MTHFSD: variants seen among roughly 807,000 people sequenced by gnomAD.
MTHFSD encodes the protein methenyltetrahydrofolate synthetase domain containing.
A neutral mutation model predicts 31.1 loss-of-function variants in MTHFSD; 37 were observed. That is an observed-to-expected ratio of 1.19 (90% CI 0.91 to 1.56). MTHFSD has a LOEUF of 1.56. MTHFSD is among the 40% of genes most tolerant of loss of function. The pLI, the probability that MTHFSD is intolerant of heterozygous loss-of-function variation, is 0.00. For missense variants in MTHFSD, 664 were observed against 510.1 expected (o/e 1.30, Z -2.91); for synonymous variants, 221 against 206.9 (o/e 1.07, Z -0.59).
At chr16:86,536,013 C>T (rs1216559463) in intron 7 of MTHFSD, among the ~76,000 whole-genome samples, 2 of 152,202 alleles carry the variant, frequency 1.3e-5, no homozygotes, top group Non-Finnish European at 2.9e-5. Context: ...CACCACCACA[C>T]CCAGCTAAGT....
intron 7 of MTHFSD, 29 bp from the exon 8 acceptor site, chr16:86,532,510 C>A: frequency 7.2e-7 from 1 of 1,388,344 alleles, no homozygotes; most frequent in South Asian, 1.6e-5. Context: ...GCAGCTCTTT[C>A]AGGGACAGAA....
intron 3 of MTHFSD, among the ~76,000 whole-genome samples, chr16:86,550,685 C>A (rs548007690): frequency 6.6e-6 from 1 of 152,388 alleles, no homozygotes; most frequent in East Asian, 1.9e-4. Context: ...AATGCAGTGA[C>A]TGCCGACTGC....
intron 7 of MTHFSD, among the ~76,000 whole-genome samples, chr16:86,537,228 C>T (rs999037874): frequency 1.3e-5 from 2 of 152,204 alleles, no homozygotes; most frequent in South Asian, 2.1e-4. Context: ...GAGACAACTA[C>T]TGTTAATATT....
At chr16:86,552,768 C>T (rs1973351862) in intron 2 of MTHFSD, among the ~76,000 whole-genome samples, 1 of 152,124 alleles carries the variant, frequency 6.6e-6, no homozygotes, top group South Asian at 2.1e-4. Context: ...TTCAAAGGGA[C>T]AGGACAGTCT....
intron 7 of MTHFSD, chr16:86,535,608 T>C (rs1004743514): frequency 3.6e-6 from 2 of 556,730 alleles, no homozygotes; most frequent in Non-Finnish European, 4.5e-6. Flanking sequence ...AAAAAAAAAA[T>C]AGAATAAACT....
In MTHFSD at chr16:86,541,840, G is replaced by C; in HGVS notation, c.556-18C>G. 1 of 1,613,272 alleles carries C rather than the reference G, an allele frequency of 6.2e-7. No individual in the cohort carries two copies. Among genetic ancestry groups the C allele is most frequent in the Non-Finnish European group, 8.5e-7 (1 of 1,179,354 alleles). ...TCCACGACCTGGGGGAAGAGAGGAG[G>C]GATAAAGGGGCTGCTGGGAATGCCA... On this transcript the variant is annotated intron_variant, in intron 6 of 7. Coordinates refer to ENST00000360900, the MANE Select transcript of MTHFSD (RefSeq NM_001159377.2).
At chr16:86,553,507 C>T (rs1442392002) in intron 2 of MTHFSD, 1 of 152,500 alleles carries the variant, frequency 6.6e-6, no homozygotes, top group African/African-American at 2.4e-5. Context: ...TGGGGAGCCC[C>T]GCACTCACAG....
intron 4 of MTHFSD, chr16:86,548,140 G>T: frequency 7.7e-7 from 1 of 1,302,048 alleles, no homozygotes; most frequent in Non-Finnish European, 1.0e-6. Context: ...ATAAGAAAAA[G>T]CTCCACAATA....
intron 4 of MTHFSD, chr16:86,547,031 T>C: frequency 2.1e-6 from 1 of 486,636 alleles, no homozygotes; most frequent in Non-Finnish European, 2.8e-6. Context: ...TGGAGCTCTC[T>C]GAGCCTCAGT....
chr16:86,552,170 T>G, intron 2 of MTHFSD, 24 bp from the exon 3 acceptor site: 3 of 1,614,164 alleles, frequency 1.9e-6, no homozygotes, highest in Non-Finnish European at 2.5e-6. Context: ...TAGACAGAGT[T>G]GCACTTACTT....
At chr16:86,541,955 G>A (rs752836682) in intron 6 of MTHFSD, 133 bp from the exon 7 acceptor site, 89 of 1,369,432 alleles carry the variant, frequency 6.5e-5, no homozygotes, top group East Asian at 1.4e-4. Context: ...AGGCTTAGCC[G>A]CTGTACCACT....
intron 7 of MTHFSD, among the ~76,000 whole-genome samples, chr16:86,536,954 G>A (rs2143443987): frequency 6.6e-6 from 1 of 152,338 alleles, no homozygotes; most frequent in South Asian, 2.1e-4. Context: ...ACACACGTCT[G>A]TGCGTGAGTT....
chr16:86,541,125 T>C lies in MTHFSD; in HGVS notation c.681+572A>G. ...TGGCTGTTTGCCAGCAGAGACAGCATCATAACCTACAGGCTGATTTGCAGG... is the reference window on the plus strand; with the variant it reads ...TGGCTGTTTGCCAGCAGAGACAGCACCATAACCTACAGGCTGATTTGCAGG... On this transcript the variant is annotated intron_variant, in intron 7 of 7. Coordinates refer to ENST00000360900, the MANE Select transcript of MTHFSD (RefSeq NM_001159377.2). 3.9e-6 allele frequency: 5 copies of C among 1,284,482 alleles called. No homozygotes were observed. In the South Asian group the frequency reaches 6.2e-5, roughly 16 times the overall value. The allele number at this position is 1,284,482 out of a possible 1,614,324, so 79.6% of individuals were successfully genotyped here. A position where few individuals can be genotyped will look rare whatever the true frequency, so the allele number is the denominator to read the frequency against.
At chr16:86,552,200 A>G in intron 2 of MTHFSD, 54 bp from the exon 3 acceptor site, 1 of 1,613,924 alleles carries the variant, frequency 6.2e-7, no homozygotes, top group Non-Finnish European at 8.5e-7. Flanking sequence ...AGAAGCGAGC[A>G]CTTTTCTGGG....
Position 86,531,880 on chromosome 16 carries a change from T to G in MTHFSD, c.*131A>C, listed in dbSNP as rs3829536. 1 of 556,870 alleles carries G rather than the reference T, an allele frequency of 1.8e-6. No individual in the cohort carries two copies. The highest frequency in any genetic ancestry group is 2.9e-6 in the Non-Finnish European group (1 of 346,180). The allele number at this position is 556,870 out of a possible 1,614,324, so 34.5% of individuals were successfully genotyped here. On this transcript the variant is annotated 3_prime_UTR_variant, in exon 8 of 8. Transcript: ENST00000360900. This position sits in a 1 kb window ranked among gnomAD's most constrained non-coding sequence, Gnocchi z 5.5. ...ACTGAGCGGTGACTTCTGAGAAGAA[T>G]TGAGACCCGAGCAGCTCAGGCGGTG...
At chr16:86,535,673 C>G (rs1180700515) in intron 7 of MTHFSD, among the ~76,000 whole-genome samples, 1 of 152,122 alleles carries the variant, frequency 6.6e-6, no homozygotes, top group African/African-American at 2.4e-5. Context: ...AATCCGAAAT[C>G]TGACTTTCAA....
chr16:86,536,661 G>GT (rs1181595417), intron 7 of MTHFSD, among the ~76,000 whole-genome samples: 1 of 152,226 alleles, frequency 6.6e-6, no homozygotes, highest in African/African-American at 2.4e-5. Flanking sequence ...GAACTATTTA[G>GT]TAAAAAACAT....
At chr16:86,534,139 G>A (rs1970352100) in intron 7 of MTHFSD, among the ~76,000 whole-genome samples, 1 of 152,198 alleles carries the variant, frequency 6.6e-6, no homozygotes, top group South Asian at 2.1e-4. Flanking sequence ...AGATACAAAG[G>A]AAAACAACTC....
intron 3 of MTHFSD, chr16:86,551,832 T>C: frequency 1.1e-6 from 1 of 945,982 alleles, no homozygotes; most frequent in South Asian, 1.9e-5. Context: ...TCGGGACTCC[T>C]GATTGACTGA....
Sources: allele counts gnomAD v4.1 joint callset (sites outside exome capture counted in the v4.1 genomes callset), GRCh38; gene constraint gnomAD v4.1.1; non-coding constraint Gnocchi (gnomAD v3.1); transcripts MANE v1.5; gene names NCBI Gene and HGNC (gene_info 2026-07-23, HGNC 2026-07-21).